TRPM3: variants seen among roughly 807,000 people sequenced by gnomAD.
The protein encoded by TRPM3 is long transient receptor potential channel 3.
In TRPM3, 77 loss-of-function variants were observed where a neutral mutation model predicts 181.2. The observed-to-expected ratio is 0.42, with a 90% CI of 0.35 to 0.51. The LOEUF is 0.51. Ranked by LOEUF, TRPM3 falls within the 20% of genes least tolerant of loss-of-function variation. The probability of loss-of-function intolerance (pLI) is 0.01; values close to 1 mark genes in which losing one functional copy is unlikely to be tolerated. For synonymous variants in TRPM3, 745 were observed against 796.4 expected, an observed-to-expected ratio of 0.94 and a Z score of 1.09; for missense variants, 1,759 against 2,196.7, an observed-to-expected ratio of 0.80 and a Z score of 3.98.
At chr9:71,361,773 A>G (rs1367237591) in intron 1 of TRPM3, among the ~76,000 whole-genome samples, 1 of 152,226 alleles carries the variant, frequency 6.6e-6, no homozygotes, top group Non-Finnish European at 1.5e-5. Flanking sequence ...TTTTCAGTCT[A>G]TACTACACTG....
intron 6 of TRPM3, among the ~76,000 whole-genome samples, chr9:70,813,916 A>G (rs1007099591): frequency 4.6e-5 from 7 of 152,230 alleles, no homozygotes; most frequent in African/African-American, 7.2e-5. Flanking sequence ...CTCAATCAAC[A>G]CTAGTTGTTA....
At position 70,532,431 on chromosome 9, in the gene TRPM3, C is replaced by T. The variant is rs1254767188; in HGVS notation, c.*3522G>A. ...AATATCCTAGACCTGGAAACTTATA[C>T]ATTTAAAAAATCCAGTTCTGTAAAG... On this transcript the variant is annotated 3_prime_UTR_variant, in exon 26 of 26. Coordinates refer to ENST00000677713, the MANE Select transcript of TRPM3 (RefSeq NM_001366145.2). The T allele has an allele frequency of 6.6e-6, 1 of 152,162 alleles. No homozygotes were observed. Among genetic ancestry groups the T allele is most frequent in the East Asian group, 1.9e-4 (1 of 5,200 alleles). 9.4% of individuals were successfully genotyped at this position (152,162 alleles called of 1,614,324 possible).
chr9:71,299,893 G>A (rs779321566), intron 1 of TRPM3, among the ~76,000 whole-genome samples: 1 of 152,090 alleles, frequency 6.6e-6, no homozygotes, highest in Non-Finnish European at 1.5e-5. Flanking sequence ...ATGTAAGGGA[G>A]AGAGAAAATG....
At chr9:71,446,879 C>A (rs2094210937), upstream of TRPM3, 2 of 1,476,220 alleles carry the variant, frequency 1.4e-6, no homozygotes, top group Admixed American at 4.4e-5. Context: ...CAGCGCCGAG[C>A]GCTCTCGCTG....
intron 1 of TRPM3, among the ~76,000 whole-genome samples, chr9:70,954,507 G>A (rs2097044323): frequency 6.6e-6 from 1 of 152,106 alleles, no homozygotes; most frequent in African/African-American, 2.4e-5. Context: ...TGATTTGGGG[G>A]CATGTCTCAT....
intron 7 of TRPM3, among the ~76,000 whole-genome samples, chr9:70,766,241 C>T (rs2079095489): frequency 6.6e-6 from 1 of 152,152 alleles, no homozygotes; most frequent in Admixed American, 6.6e-5. Context: ...CCACAGTTTG[C>T]TATTAGTATT....
At chr9:70,698,803 G>C (rs10115414) in intron 8 of TRPM3, among the ~76,000 whole-genome samples, 77,199 of 151,474 alleles carry the variant, frequency 0.51, 20,509 homozygotes, top group Non-Finnish European at 0.58. Flanking sequence ...GGCACTGCCC[G>C]CTTCTCTCTC....
chr9:71,171,792 G>A (rs965924224), intron 1 of TRPM3, among the ~76,000 whole-genome samples: 4 of 152,138 alleles, frequency 2.6e-5, no homozygotes, highest in African/African-American at 7.2e-5. Context: ...GGAAGTAAAC[G>A]GCTCCTGCAT....
In TRPM3 at chr9:70,604,146, C is replaced by T. The variant is rs545270209; in HGVS notation, c.2668-676G>A. Among the ~76,000 whole-genome samples the T allele has an allele frequency of 4.6e-5, 7 of 152,222 alleles. 1 individual carries two copies. The East Asian group carries it at 5.8e-4, about 13-fold the overall frequency. Reference sequence around the variant, plus strand: ...AAGGGTCCGTGTGGCCTTTTGTGGACGGGTGTGGGGTTTAATCCCCAAGAG... The same window carrying T: ...AAGGGTCCGTGTGGCCTTTTGTGGATGGGTGTGGGGTTTAATCCCCAAGAG... On this transcript the variant is annotated intron_variant, in intron 19 of 25. Transcript: ENST00000677713.
At chr9:71,163,784 G>T (rs572778792) in intron 1 of TRPM3, among the ~76,000 whole-genome samples, 3 of 152,206 alleles carry the variant, frequency 2.0e-5, no homozygotes, top group Non-Finnish European at 4.4e-5. Flanking sequence ...ATTTGTAAAG[G>T]TGACAGAAAT....
At chr9:70,971,542 G>C (rs371824417) in intron 1 of TRPM3, among the ~76,000 whole-genome samples, 19 of 152,008 alleles carry the variant, frequency 1.2e-4, no homozygotes, top group African/African-American at 4.4e-4. Flanking sequence ...TGTCTTTCAG[G>C]GGGGAAATGA....
chr9:70,885,610 T>C (rs545397152), intron 1 of TRPM3, among the ~76,000 whole-genome samples: 1 of 152,336 alleles, frequency 6.6e-6, no homozygotes, highest in South Asian at 2.1e-4. Flanking sequence ...ACTTCTGCAC[T>C]TGCTTCTGCT....
intron 1 of TRPM3, among the ~76,000 whole-genome samples, chr9:71,191,712 A>G (rs1438580555): frequency 6.6e-6 from 1 of 151,724 alleles, no homozygotes. Context: ...TTTTTAAAAT[A>G]TAAACATTTG....
intron 1 of TRPM3, among the ~76,000 whole-genome samples, chr9:71,161,256 C>A (rs1475247508): frequency 6.6e-6 from 1 of 152,116 alleles, no homozygotes; most frequent in African/African-American, 2.4e-5. Flanking sequence ...TTGGCCTCAC[C>A]TTCTGTCACA....
chr9:71,115,572 A>T (rs987131947), intron 1 of TRPM3, among the ~76,000 whole-genome samples: 1 of 152,218 alleles, frequency 6.6e-6, no homozygotes, highest in Non-Finnish European at 1.5e-5. Context: ...GAGGGTGTGG[A>T]ACCGCTGCTG....
intron 1 of TRPM3, among the ~76,000 whole-genome samples, chr9:71,255,571 A>G (rs1431241053): frequency 2.0e-5 from 3 of 152,234 alleles, no homozygotes; most frequent in Non-Finnish European, 2.9e-5. Flanking sequence ...AAGGTAAAAA[A>G]GAGACAAAAC....
Position 70,843,058 on chromosome 9 carries a change from A to G in TRPM3, c.746T>C (p.Ile249Thr), listed in dbSNP as rs1490227471. Residue 249 changes from isoleucine to threonine, a missense_variant, in exon 5 of 26, where the codon ATA becomes ACA. Around this residue, in one of 8 missense-constraint regions of TRPM3, gnomAD observed 737 missense variants for 957.4 expected, o/e 0.77. Transcript: ENST00000677713. ...ASKSRGKICT[I>T]GIAPWGIVEN... is the part of the protein sequence containing the mutation. ...CACAATTCCCCAGGGGGCAATACCTATGGTGCATATCTTTCCTCGAGACTT... is the reference window on the plus strand; with the variant it reads ...CACAATTCCCCAGGGGGCAATACCTGTGGTGCATATCTTTCCTCGAGACTT... 1 of 1,613,744 alleles carries G rather than the reference A, an allele frequency of 6.2e-7. No individual in the cohort carries two copies. The highest frequency in any genetic ancestry group is 8.5e-7 in the Non-Finnish European group (1 of 1,179,832).
chr9:70,990,675 G>A (rs369674852), intron 1 of TRPM3, among the ~76,000 whole-genome samples: 1 of 152,100 alleles, frequency 6.6e-6, no homozygotes, highest in East Asian at 1.9e-4. Context: ...AACTGTGTGT[G>A]TGAGTGCACA....
At chr9:70,979,663 C>G (rs778527336) in intron 1 of TRPM3, among the ~76,000 whole-genome samples, 1 of 152,196 alleles carries the variant, frequency 6.6e-6, no homozygotes, top group East Asian at 1.9e-4. Flanking sequence ...ACTGCAGCCA[C>G]CCCCTACCCA....
Sources: gnomAD v4.1 joint callset for allele counts (sites outside exome capture counted in the v4.1 genomes callset) on GRCh38, gnomAD v4.1.1 for gene constraint, gnomAD v4.1.1 regional missense constraint, MANE v1.5 for transcripts, NCBI Gene and HGNC (gene_info 2026-07-23, HGNC 2026-07-21) for gene names.